IQCM: variants seen among roughly 807,000 people sequenced by gnomAD.
The protein encoded by IQCM is IQ motif containing M, also known as IQ domain-containing protein M.
IQCM carries 45 observed loss-of-function variants against 57.6 expected under a neutral mutation model. The observed-to-expected ratio is 0.78, with a 90% CI of 0.62 to 1.00. IQCM has a LOEUF of 1.00. IQCM is among the 50% of genes least tolerant of loss of function. IQCM has a pLI of 0.00. For missense variants in IQCM, 468 were observed against 511.6 expected, an observed-to-expected ratio of 0.91 and a Z score of 0.82; for synonymous variants, 148 against 158.9, an observed-to-expected ratio of 0.93 and a Z score of 0.51.
intron 12 of IQCM, among the ~76,000 whole-genome samples, chr4:149,446,716 T>C: frequency 6.6e-6 from 1 of 151,566 alleles, no homozygotes; most frequent in Non-Finnish European, 1.5e-5. Flanking sequence ...TACATATATA[T>C]GTATCACCAT....
intron 13 of IQCM, among the ~76,000 whole-genome samples, chr4:149,404,536 A>G (rs1331656303): frequency 3.9e-5 from 6 of 152,122 alleles, no homozygotes; most frequent in Admixed American, 3.3e-4. Flanking sequence ...AAAAGTTTCA[A>G]TACATGAATA....
At chr4:149,383,953 CA>C (rs1429292039) in intron 13 of IQCM, among the ~76,000 whole-genome samples, 11 of 151,000 alleles carry the variant, frequency 7.3e-5, no homozygotes, top group Admixed American at 5.3e-4. Flanking sequence ...AACTCCATCT[CA>C]AAAAAAAGAA....
intron 9 of IQCM, among the ~76,000 whole-genome samples, chr4:149,570,314 G>A (rs1349529782): frequency 6.6e-6 from 1 of 151,964 alleles, no homozygotes; most frequent in Non-Finnish European, 1.5e-5. Context: ...TAAAGGTAAG[G>A]CAGTAAACTA....
intron 2 of IQCM, among the ~76,000 whole-genome samples, chr4:149,809,918 C>G (rs1774402566): frequency 6.6e-6 from 1 of 152,194 alleles, no homozygotes; most frequent in Admixed American, 6.5e-5. Context: ...AAATATTCCA[C>G]AGACAAGTAC....
At chr4:149,436,941 T>C (rs938350561) in intron 12 of IQCM, among the ~76,000 whole-genome samples, 2 of 152,138 alleles carry the variant, frequency 1.3e-5, no homozygotes, top group African/African-American at 4.8e-5. Context: ...ATACATTTGC[T>C]AATTTAATTC....
intron 5 of IQCM, among the ~76,000 whole-genome samples, chr4:149,704,040 A>C (rs779708781): frequency 6.6e-6 from 1 of 151,900 alleles, no homozygotes; most frequent in Non-Finnish European, 1.5e-5. Context: ...CCAATTTTCT[A>C]ATCTTTTTTG....
chr4:149,490,263 A>G (rs959824095), intron 12 of IQCM, among the ~76,000 whole-genome samples: 1 of 152,034 alleles, frequency 6.6e-6, no homozygotes, highest in Non-Finnish European at 1.5e-5. Flanking sequence ...GCAGATACAT[A>G]TGTTTTGATA....
intron 5 of IQCM, among the ~76,000 whole-genome samples, chr4:149,714,312 C>G (rs994398851): frequency 1.3e-5 from 2 of 152,134 alleles, no homozygotes; most frequent in Non-Finnish European, 2.9e-5. Context: ...TCCCTAAAAT[C>G]TAAATACTCC....
intron 9 of IQCM, among the ~76,000 whole-genome samples, chr4:149,582,321 T>TC (rs1752272372): frequency 1.6e-4 from 1 of 6,344 alleles, no homozygotes; most frequent in African/African-American, 5.5e-4. Flanking sequence ...TATATATATA[T>TC]ATATATATAT....
intron 13 of IQCM, among the ~76,000 whole-genome samples, chr4:149,397,519 C>G (rs2111113192): frequency 6.6e-6 from 1 of 152,068 alleles, no homozygotes; most frequent in Non-Finnish European, 1.5e-5. Flanking sequence ...CCTTCAGTCT[C>G]TCTCTCGCTG....
intron 10 of IQCM, among the ~76,000 whole-genome samples, chr4:149,560,995 T>A (rs958432117): frequency 3.9e-5 from 6 of 152,120 alleles, no homozygotes; most frequent in Admixed American, 3.9e-4. Context: ...ATTAACTGCA[T>A]TACAGGCTGT....
chr4:149,680,063 T>C (rs930858147), intron 7 of IQCM, among the ~76,000 whole-genome samples: 4 of 151,428 alleles, frequency 2.6e-5, no homozygotes, highest in African/African-American at 9.7e-5. Context: ...TTTAAAAATA[T>C]GTAATTATAA....
rs537130511 is a variant in IQCM, at chr4:149,362,248, C to T, written c.1391-10182G>A. On this transcript the variant is annotated intron_variant, in intron 13 of 13. Coordinates refer to ENST00000636793, the MANE Select transcript of IQCM (RefSeq NM_001363507.2). ...GGGACTTGCCTTATCTCAGATGAGA[C>T]TTTGGACTGTGGACTTTTGGGTTAA... 2.0e-5 allele frequency among the ~76,000 whole-genome samples: 3 copies of T among 152,176 alleles called. No homozygotes were observed. In the South Asian group the frequency reaches 6.2e-4, roughly 32 times the overall value.
chr4:149,352,746 GA>G (rs1365581899), intron 13 of IQCM, among the ~76,000 whole-genome samples: 2 of 152,132 alleles, frequency 1.3e-5, no homozygotes, highest in African/African-American at 4.8e-5. Flanking sequence ...TTCTGATAAT[GA>G]TATTTAAATT....
intron 5 of IQCM, among the ~76,000 whole-genome samples, chr4:149,726,127 G>GAAAGAAAGA (rs1765903200): frequency 2.1e-5 from 3 of 142,276 alleles, no homozygotes; most frequent in South Asian, 4.5e-4. Context: ...AAGAAAGAAA[G>GAAAGAAAGA]AAAGAAAGAA....
rs550029429 is a variant in IQCM, at chr4:149,595,945, C to A, written c.682-7948G>T. Among the ~76,000 whole-genome samples, 85 of 152,202 alleles carry A rather than the reference C, an allele frequency of 5.6e-4. 2 individuals are homozygous for A. The South Asian group carries it at 5.8e-3, about 10-fold the overall frequency. ...GATAATGCTGGTCACTTTGTAATAG[C>A]CATGGCTTCAAAAAGCCATTCAACA... On this transcript the variant is annotated intron_variant, in intron 8 of 13. Coordinates refer to ENST00000636793, the MANE Select transcript of IQCM (RefSeq NM_001363507.2).
rs181184069 is a variant in IQCM, at chr4:149,571,606, C to A, written c.750-7716G>T. Among the ~76,000 whole-genome samples, 4 of 152,118 alleles carry A rather than the reference C, an allele frequency of 2.6e-5. No homozygotes were observed. In the East Asian group the frequency reaches 5.8e-4, roughly 22 times the overall value. ...ACTATAGTTAACAATATATTGTATTCTTGAAAAATGTTAAGAGCGTGGACA... is the reference window on the plus strand; with the variant it reads ...ACTATAGTTAACAATATATTGTATTATTGAAAAATGTTAAGAGCGTGGACA... On this transcript the variant is annotated intron_variant, in intron 9 of 13. Coordinates refer to ENST00000636793, the MANE Select transcript of IQCM (RefSeq NM_001363507.2).
chr4:149,651,661 T>C (rs1372940925), intron 7 of IQCM, among the ~76,000 whole-genome samples: 1 of 152,102 alleles, frequency 6.6e-6, no homozygotes, highest in African/African-American at 2.4e-5. Flanking sequence ...AAGATATGAC[T>C]GATGAATGAC....
At chr4:149,789,719 G>C (rs574002004) in intron 2 of IQCM, among the ~76,000 whole-genome samples, 1 of 152,132 alleles carries the variant, frequency 6.6e-6, no homozygotes, top group East Asian at 1.9e-4. Flanking sequence ...GTTGCAATAA[G>C]CTGAGATCTC....
Sources: allele counts gnomAD v4.1 joint callset (sites outside exome capture counted in the v4.1 genomes callset), GRCh38; gene constraint gnomAD v4.1.1; transcripts MANE v1.5; gene names NCBI Gene and HGNC (gene_info 2026-07-23, HGNC 2026-07-21).